The following TBC1D22A variants were observed in gnomAD, a reference collection of about 807,000 sequenced individuals.
TBC1D22A encodes the protein putative GTPase activator.
In TBC1D22A, 38 loss-of-function variants were observed where a neutral mutation model predicts 60.2. The observed-to-expected ratio is 0.63, with a 90% CI of 0.49 to 0.83. The LOEUF (loss-of-function observed/expected upper bound fraction) is 0.83, where lower values mean the gene tolerates loss of function less well. Among genes scored for constraint, TBC1D22A ranks in the 40% least tolerant of loss-of-function variants. TBC1D22A has a pLI of 0.00. For missense variants in TBC1D22A, 628 were observed against 701.0 expected, an observed-to-expected ratio of 0.90 and a Z score of 1.18; for synonymous variants, 302 against 281.7, an observed-to-expected ratio of 1.07 and a Z score of -0.72.
intron 12 of TBC1D22A, among the ~76,000 whole-genome samples, chr22:47,134,461 T>C (rs987668084): frequency 2.6e-5 from 4 of 152,228 alleles, no homozygotes; most frequent in Non-Finnish European, 4.4e-5. Context: ...CCTCGCCAGC[T>C]CCTGGCCAGG....
At chr22:46,791,033 C>T (rs965779901) in intron 1 of TBC1D22A, among the ~76,000 whole-genome samples, 5 of 152,028 alleles carry the variant, frequency 3.3e-5, no homozygotes, top group South Asian at 2.1e-4. Flanking sequence ...AGCGATCATC[C>T]GGCCATTTTT....
chr22:46,991,194 CAGGT>C (rs1435367260), intron 9 of TBC1D22A, among the ~76,000 whole-genome samples: 1 of 152,122 alleles, frequency 6.6e-6, no homozygotes, highest in African/African-American at 2.4e-5. Context: ...ATGAACCTGG[CAGGT>C]AGGAAAGCAG....
chr22:47,085,385 A>T (rs763064338), intron 11 of TBC1D22A, among the ~76,000 whole-genome samples: 2 of 152,212 alleles, frequency 1.3e-5, no homozygotes, highest in Non-Finnish European at 2.9e-5. Context: ...AGTAACATAG[A>T]GCACCAAAAA....
Position 47,160,950 on chromosome 22 carries a change from CCGGG to C in TBC1D22A, c.1426-12547_1426-12544del, listed in dbSNP as rs539213888. On this transcript the variant is annotated intron_variant, in intron 12 of 12. Coordinates refer to ENST00000337137, the MANE Select transcript of TBC1D22A (RefSeq NM_014346.5). ...ACCCTCCTGCGGTTTAGGAGGGACCCCGGGGGCCTTGGCTGCTCCCTGAGCCTTT... is the reference window on the plus strand; with the variant it reads ...ACCCTCCTGCGGTTTAGGAGGGACCCGGCCTTGGCTGCTCCCTGAGCCTTT... Among the ~76,000 whole-genome samples the C allele has an allele frequency of 4.3e-3, 534 of 123,268 alleles. 10 individuals carry two copies. The East Asian group carries it at 0.068, about 16-fold the overall frequency. 80.9% of individuals were successfully genotyped at this position (123,268 alleles called of 152,430 possible).
At chr22:46,769,476 C>T (rs1329285871) in intron 1 of TBC1D22A, among the ~76,000 whole-genome samples, 1 of 152,212 alleles carries the variant, frequency 6.6e-6, no homozygotes, top group South Asian at 2.1e-4. Context: ...AGGTGGCAGT[C>T]CCGGGACCCT....
chr22:46,974,890 G>C (rs541432206), intron 9 of TBC1D22A, among the ~76,000 whole-genome samples: 1 of 152,364 alleles, frequency 6.6e-6, no homozygotes, highest in East Asian at 1.9e-4. Context: ...ACACGAGCTG[G>C]TGGGAGTCCC....
intron 11 of TBC1D22A, among the ~76,000 whole-genome samples, chr22:47,069,117 G>A (rs1447315811): frequency 6.6e-6 from 1 of 152,188 alleles, no homozygotes; most frequent in African/African-American, 2.4e-5. Context: ...TAATTATATT[G>A]TACATTGTTA....
At chr22:46,968,406 A>T (rs970912762) in intron 8 of TBC1D22A, among the ~76,000 whole-genome samples, 1 of 152,348 alleles carries the variant, frequency 6.6e-6, no homozygotes, top group Admixed American at 6.5e-5. Flanking sequence ...ATGGAGTGGG[A>T]TCATGCGTGG....
chr22:46,792,840 C>T (rs1268841303), intron 2 of TBC1D22A: 1 of 1,436,362 alleles, frequency 7.0e-7, no homozygotes, highest in African/African-American at 1.4e-5. Flanking sequence ...GAGCTGGCAT[C>T]CTTTAGCCAT....
At chr22:47,154,350 G>A (rs754560350) in intron 12 of TBC1D22A, among the ~76,000 whole-genome samples, 3 of 152,202 alleles carry the variant, frequency 2.0e-5, no homozygotes, top group Non-Finnish European at 4.4e-5. Flanking sequence ...TCTGTGTCGT[G>A]ACGTTTGGCT....
At chr22:47,065,655 G>T (rs2063735629) in intron 11 of TBC1D22A, among the ~76,000 whole-genome samples, 1 of 151,014 alleles carries the variant, frequency 6.6e-6, no homozygotes. Context: ...GGGTTGGATT[G>T]AGGGAGACCT....
chr22:47,074,796 A>G (rs1172680496), intron 11 of TBC1D22A, among the ~76,000 whole-genome samples: 15 of 152,136 alleles, frequency 9.9e-5, no homozygotes, highest in Non-Finnish European at 1.5e-4. Flanking sequence ...TGGCCAACAG[A>G]TCAAGTCTGC....
intron 11 of TBC1D22A, among the ~76,000 whole-genome samples, chr22:47,106,908 G>A (rs776377009): frequency 2.0e-5 from 3 of 152,130 alleles, no homozygotes; most frequent in African/African-American, 7.2e-5. Context: ...ACTCCAGTCT[G>A]GCGACAGAGC....
intron 8 of TBC1D22A, among the ~76,000 whole-genome samples, chr22:46,957,250 G>C (rs955033689): frequency 6.6e-6 from 1 of 152,250 alleles, no homozygotes; most frequent in South Asian, 2.1e-4. Flanking sequence ...GGTTTGAGTA[G>C]TGCTGTATTA....
intron 4 of TBC1D22A, among the ~76,000 whole-genome samples, chr22:46,854,985 AGTC>A (rs2087494555): frequency 6.6e-6 from 1 of 152,224 alleles, no homozygotes; most frequent in African/African-American, 2.4e-5. Flanking sequence ...AGGGTGTAGT[AGTC>A]ATTATAATAG....
chr22:47,021,807 G>C (rs557645155), intron 10 of TBC1D22A, among the ~76,000 whole-genome samples: 152 of 152,364 alleles, frequency 1.0e-3, no homozygotes, highest in Non-Finnish European at 1.8e-3. Context: ...CAGAGTCCCT[G>C]TCTCCCTCCC....
intron 11 of TBC1D22A, among the ~76,000 whole-genome samples, chr22:47,038,025 T>C (rs931013461): frequency 2.6e-5 from 4 of 152,246 alleles, no homozygotes; most frequent in African/African-American, 9.6e-5. Context: ...AAGCCACCTC[T>C]CTTCCCTTGA....
intron 7 of TBC1D22A, among the ~76,000 whole-genome samples, chr22:46,904,141 ATCTACCT>A (rs1429624369): frequency 7.8e-5 from 9 of 115,978 alleles, no homozygotes; most frequent in Admixed American, 5.6e-4. Context: ...CTATCTATCT[ATCTACCT>A]ACCTACCTAC....
intron 12 of TBC1D22A, among the ~76,000 whole-genome samples, chr22:47,154,890 C>A (rs1401759055): frequency 6.6e-6 from 1 of 152,222 alleles, no homozygotes; most frequent in Non-Finnish European, 1.5e-5. Context: ...GTGGGAAGAG[C>A]CTTGTAGATA....
Sources: allele counts gnomAD v4.1 joint callset (sites outside exome capture counted in the v4.1 genomes callset), GRCh38; gene constraint gnomAD v4.1.1; transcripts MANE v1.5; gene names NCBI Gene and HGNC (gene_info 2026-07-23, HGNC 2026-07-21).